Variants in ZNRF3 observed in about 807,000 individuals in gnomAD.
ZNRF3 encodes E3 ubiquitin-protein ligase ZNRF3.
Under a neutral mutation model 72.5 loss-of-function variants are expected in ZNRF3, and 23 were observed. The ratio of observed to expected loss-of-function variants is 0.32; its 90% CI spans 0.23 to 0.45. ZNRF3 has a LOEUF of 0.45. ZNRF3 is among the 20% of genes least tolerant of loss of function. The pLI is 1.00. For missense variants in ZNRF3, 1,169 were observed against 1,272.1 expected, an observed-to-expected ratio of 0.92 and a Z score of 1.23; for synonymous variants, 610 against 545.3, an observed-to-expected ratio of 1.12 and a Z score of -1.65.
chr22:28,963,091 A>C (rs2035393694), intron 1 of ZNRF3, among the ~76,000 whole-genome samples: 1 of 152,260 alleles, frequency 6.6e-6, no homozygotes. Flanking sequence ...TACTGTGAAC[A>C]GGATGCAAAT....
chr22:28,905,901 A>T (rs777209351), intron 1 of ZNRF3, among the ~76,000 whole-genome samples: 102 of 152,200 alleles, frequency 6.7e-4, no homozygotes, highest in Admixed American at 1.2e-3. Flanking sequence ...TAAAGTGCAG[A>T]GAGGTTTATA....
At chr22:28,907,154 T>G (rs1431074935) in intron 1 of ZNRF3, among the ~76,000 whole-genome samples, 1 of 151,434 alleles carries the variant, frequency 6.6e-6, no homozygotes, top group African/African-American at 2.4e-5. Context: ...GTCCAGTTTT[T>G]TTTTTTTTTT....
intron 1 of ZNRF3, among the ~76,000 whole-genome samples, chr22:28,884,862 G>A (rs1569233286): frequency 6.6e-6 from 1 of 152,184 alleles, no homozygotes; most frequent in Non-Finnish European, 1.5e-5. Flanking sequence ...CCTTTAAGCC[G>A]TGCCTACTCT....
Position 28,985,276 on chromosome 22 carries a change from C to G in ZNRF3, c.301-1800C>G, listed in dbSNP as rs181387257. 3.9e-5 allele frequency among the ~76,000 whole-genome samples: 6 copies of G among 152,302 alleles called. No individual in the cohort carries two copies. In the East Asian group the frequency reaches 9.6e-4, roughly 24 times the overall value. On this transcript the variant is annotated intron_variant, in intron 1 of 8. Coordinates refer to ENST00000544604, the MANE Select transcript of ZNRF3 (RefSeq NM_001206998.2). The stretch of plus-strand genomic sequence containing the variant: ...TCCATCCTGGTTTTTGAGCCCTTCT[C>G]TTTCCTTCTCAGTGTAGACAGTGAC...
rs1287159114 is a variant in ZNRF3, at chr22:28,884,146, G to A, written c.300+80G>A. On this transcript the variant is annotated intron_variant, in intron 1 of 8. Coordinates refer to ENST00000544604, the MANE Select transcript of ZNRF3 (RefSeq NM_001206998.2). ...GGCTGCGCCCGCCGACCCCGCCGCG[G>A]GCTGCCTGACTGGCGGGCGGGCGGG... 4 of 1,016,982 alleles carry A rather than the reference G, an allele frequency of 3.9e-6. No homozygotes were observed. In the African/African-American group the frequency reaches 6.9e-5, roughly 18 times the overall value. 63.0% of individuals were successfully genotyped at this position (1,016,982 alleles called of 1,614,324 possible). A position where few individuals can be genotyped will look rare whatever the true frequency, so the allele number is the denominator to read the frequency against.
chr22:28,884,021 C>T lies in ZNRF3; in HGVS notation c.255C>T (p.Phe85=). ...TTYTTGLTGR[F]SRAGATLSAE... is the part of the protein sequence containing the mutation. ...ACACCACCGGCCTCACGGGCCGCTT[C>T]TCGCGGGCCGGGGCCACGCTCAGCG... Residue 85 remains phenylalanine (F), a synonymous_variant, in exon 1 of 9, where the codon TTC becomes TTT. Coordinates refer to ENST00000544604, the MANE Select transcript of ZNRF3 (RefSeq NM_001206998.2). The T allele has an allele frequency of 7.7e-7, 1 of 1,305,878 alleles. No individual in the cohort carries two copies. The highest frequency in any genetic ancestry group is 9.9e-7 in the Non-Finnish European group (1 of 1,009,068). The allele number at this position is 1,305,878 out of a possible 1,614,324, so 80.9% of individuals were successfully genotyped here.
chr22:29,035,733 G>C (rs979997561), intron 2 of ZNRF3, among the ~76,000 whole-genome samples: 1 of 152,048 alleles, frequency 6.6e-6, no homozygotes, highest in Admixed American at 6.6e-5. Flanking sequence ...ACGCTGCCAC[G>C]CCCAGCTAAA....
At chr22:28,977,443 T>C (rs950092445) in intron 1 of ZNRF3, among the ~76,000 whole-genome samples, 2 of 152,202 alleles carry the variant, frequency 1.3e-5, no homozygotes, top group African/African-American at 2.4e-5. Flanking sequence ...AAAATCCTTA[T>C]GATTCAAGAG....
intron 2 of ZNRF3, among the ~76,000 whole-genome samples, chr22:29,036,810 G>T (rs1393477706): frequency 6.6e-6 from 1 of 151,854 alleles, no homozygotes; most frequent in African/African-American, 2.4e-5. Context: ...TGTATAGTGT[G>T]TAGGAAAAAA....
chr22:29,045,148 C>T (rs569303307), intron 5 of ZNRF3, among the ~76,000 whole-genome samples: 68 of 151,988 alleles, frequency 4.5e-4, no homozygotes, highest in Non-Finnish European at 8.2e-4. Context: ...ATCACTTGAG[C>T]TCACGAGTTC....
At chr22:28,969,440 G>A (rs2035531670) in intron 1 of ZNRF3, among the ~76,000 whole-genome samples, 1 of 152,180 alleles carries the variant, frequency 6.6e-6, no homozygotes, top group Non-Finnish European at 1.5e-5. Flanking sequence ...TGAGCAGAAG[G>A]TGATATGTAA....
At chr22:28,913,346 C>G (rs1269712363) in intron 1 of ZNRF3, among the ~76,000 whole-genome samples, 1 of 152,222 alleles carries the variant, frequency 6.6e-6, no homozygotes, top group Non-Finnish European at 1.5e-5. Context: ...TTTATTTAAT[C>G]TGGTACTTCC....
intron 2 of ZNRF3, among the ~76,000 whole-genome samples, chr22:29,009,427 A>G (rs962684376): frequency 1.3e-5 from 2 of 152,136 alleles, no homozygotes; most frequent in Non-Finnish European, 2.9e-5. Flanking sequence ...AATCTGTCAT[A>G]AGAGTAGAGT....
Position 28,927,867 on chromosome 22 carries a change from G to A in ZNRF3, c.300+43801G>A, listed in dbSNP as rs2034632382. ...GTGTGCATCTTTAGAAGCATGATCTGACTTTGCATTGGGCTCCTATGGCTT... is the reference window on the plus strand; with the variant it reads ...GTGTGCATCTTTAGAAGCATGATCTAACTTTGCATTGGGCTCCTATGGCTT... On this transcript the variant is annotated intron_variant, in intron 1 of 8. Coordinates refer to ENST00000544604, the MANE Select transcript of ZNRF3 (RefSeq NM_001206998.2). Among the ~76,000 whole-genome samples the A allele has an allele frequency of 2.0e-5, 3 of 152,234 alleles. No individual in the cohort carries two copies. In the South Asian group the frequency reaches 6.2e-4, roughly 32 times the overall value.
intron 1 of ZNRF3, among the ~76,000 whole-genome samples, chr22:28,965,316 A>G (rs2035441068): frequency 6.6e-6 from 1 of 152,216 alleles, no homozygotes; most frequent in Non-Finnish European, 1.5e-5. Flanking sequence ...AACATTTACT[A>G]TGTGCTTGCC....
intron 2 of ZNRF3, among the ~76,000 whole-genome samples, chr22:29,011,656 T>TA (rs1208123999): frequency 6.6e-6 from 1 of 152,208 alleles, no homozygotes; most frequent in African/African-American, 2.4e-5. Flanking sequence ...GTTAAAACAA[T>TA]ATGCAGGCAG....
intron 2 of ZNRF3, among the ~76,000 whole-genome samples, chr22:29,033,229 T>C (rs1476088822): frequency 6.6e-6 from 1 of 151,660 alleles, no homozygotes; most frequent in Non-Finnish European, 1.5e-5. Context: ...TGCACACCTG[T>C]AATCCCAACT....
At chr22:28,886,757 G>A (rs972360292) in intron 1 of ZNRF3, among the ~76,000 whole-genome samples, 2 of 151,942 alleles carry the variant, frequency 1.3e-5, no homozygotes, top group South Asian at 2.1e-4. Context: ...CTAGGAGTTC[G>A]AGACCAGCCT....
chr22:28,932,984 T>C (rs1037944520), intron 1 of ZNRF3, among the ~76,000 whole-genome samples: 2 of 152,248 alleles, frequency 1.3e-5, no homozygotes, highest in South Asian at 4.1e-4. Flanking sequence ...CGGCTAATTA[T>C]ATGGAAACAA....
Sources: allele counts gnomAD v4.1 joint callset (sites outside exome capture counted in the v4.1 genomes callset), GRCh38; gene constraint gnomAD v4.1.1; transcripts MANE v1.5; gene names NCBI Gene and HGNC (gene_info 2026-07-23, HGNC 2026-07-21).